The following ACSS3 variants were observed in gnomAD, a reference collection of about 807,000 sequenced individuals.
ACSS3 encodes acyl-CoA synthetase short chain family member 3.
Under a neutral mutation model 84.2 loss-of-function variants are expected in ACSS3, and 64 were observed. The observed-to-expected ratio is 0.76, with a 90% CI of 0.62 to 0.94. The LOEUF is 0.94. ACSS3 is among the 40% of genes least tolerant of loss of function. The pLI, the probability that ACSS3 is intolerant of heterozygous loss-of-function variation, is 0.00. For synonymous variants in ACSS3, 317 were observed against 310.1 expected, an observed-to-expected ratio of 1.02 and a Z score of -0.23; for missense variants, 815 against 867.6, an observed-to-expected ratio of 0.94 and a Z score of 0.76.
At chr12:81,241,954 G>T (rs1202488870) in intron 13 of ACSS3, among the ~76,000 whole-genome samples, 1 of 152,090 alleles carries the variant, frequency 6.6e-6, no homozygotes, top group Non-Finnish European at 1.5e-5. Flanking sequence ...TTCTTCTAGG[G>T]TTTTTATGGT....
intron 5 of ACSS3, among the ~76,000 whole-genome samples, chr12:81,150,705 T>G (rs888371129): frequency 6.6e-6 from 1 of 152,200 alleles, no homozygotes; most frequent in Admixed American, 6.5e-5. Flanking sequence ...CACAGCATGA[T>G]GCCTATGTTT....
intron 8 of ACSS3, among the ~76,000 whole-genome samples, chr12:81,192,836 G>A (rs1358520837): frequency 6.6e-6 from 1 of 152,138 alleles, no homozygotes; most frequent in African/African-American, 2.4e-5. Context: ...TCAGTCTTAT[G>A]TCTCTCTACA....
intron 2 of ACSS3, among the ~76,000 whole-genome samples, chr12:81,116,564 A>C (rs1054134243): frequency 2.0e-5 from 3 of 152,116 alleles, no homozygotes; most frequent in African/African-American, 7.2e-5. Context: ...AGTCCAGAGC[A>C]CTTTGCTTAC....
intron 11 of ACSS3, among the ~76,000 whole-genome samples, chr12:81,224,574 A>G (rs13377936): frequency 0.064 from 4,614 of 71,894 alleles, 205 homozygotes; most frequent in African/African-American, 0.2. Flanking sequence ...ACACACACAC[A>G]TGTGTGTGTG....
At chr12:81,196,867 G>A (rs955133940) in intron 8 of ACSS3, among the ~76,000 whole-genome samples, 2 of 152,108 alleles carry the variant, frequency 1.3e-5, no homozygotes, top group Non-Finnish European at 1.5e-5. Context: ...GGGAGGACAT[G>A]AAGCCTTTCC....
chr12:81,250,153 C>T (rs1328258708), intron 13 of ACSS3, among the ~76,000 whole-genome samples: 2 of 151,968 alleles, frequency 1.3e-5, no homozygotes, highest in Admixed American at 1.3e-4. Context: ...TTTTTCCCCC[C>T]ATAGGACATT....
intron 7 of ACSS3, among the ~76,000 whole-genome samples, chr12:81,172,987 A>T (rs1295623427): frequency 1.3e-5 from 2 of 152,128 alleles, no homozygotes; most frequent in Non-Finnish European, 2.9e-5. Context: ...TGGCAAAATG[A>T]TTTATTCTTA....
Position 81,255,093 on chromosome 12 carries a change from C to CT in ACSS3, c.*179dup, listed in dbSNP as rs1391586368. Reference sequence around the variant, plus strand: ...ATGAAAACATGTGAAAGACCTGTGCCTTTTTTTTGGTTTGACCCTGTTAGC... The same window carrying CT: ...ATGAAAACATGTGAAAGACCTGTGCCTTTTTTTTTGGTTTGACCCTGTTAGC... On this transcript the variant is annotated 3_prime_UTR_variant, in exon 16 of 16. Transcript: ENST00000548058. 1.9e-4 allele frequency: 114 copies of CT among 595,692 alleles called. No homozygotes were observed. Among genetic ancestry groups the CT allele is most frequent in the Middle Eastern group, 9.5e-4 (2 of 2,102 alleles). 36.9% of individuals were successfully genotyped at this position (595,692 alleles called of 1,614,324 possible).
intron 1 of ACSS3, among the ~76,000 whole-genome samples, chr12:81,101,352 A>G (rs1461511044): frequency 2.0e-5 from 3 of 152,124 alleles, no homozygotes; most frequent in African/African-American, 4.8e-5. Context: ...CAGTATGTAA[A>G]TACGTGCTCA....
At chr12:81,100,722 T>G (rs1174071777) in intron 1 of ACSS3, among the ~76,000 whole-genome samples, 1 of 152,202 alleles carries the variant, frequency 6.6e-6, no homozygotes, top group African/African-American at 2.4e-5. Context: ...TAGGAAGATT[T>G]GCCCCAGGCC....
At chr12:81,209,236 G>A (rs1418061612) in intron 9 of ACSS3, among the ~76,000 whole-genome samples, 2 of 152,076 alleles carry the variant, frequency 1.3e-5, no homozygotes, top group African/African-American at 4.8e-5. Flanking sequence ...TGATACAAAT[G>A]ACTCTCAGGC....
chr12:81,110,164 A>T (rs1373557526), intron 2 of ACSS3, among the ~76,000 whole-genome samples: 2 of 152,212 alleles, frequency 1.3e-5, no homozygotes, highest in Non-Finnish European at 2.9e-5. Flanking sequence ...AAATGCTGTT[A>T]TTCAGAGAGT....
intron 9 of ACSS3, 112 bp downstream of exon 9, chr12:81,199,556 T>G: frequency 6.9e-7 from 1 of 1,451,508 alleles, no homozygotes; most frequent in South Asian, 1.2e-5. Context: ...AACTCGGGAT[T>G]CGAGTGGTTC....
intron 8 of ACSS3, among the ~76,000 whole-genome samples, chr12:81,187,045 G>T (rs896300377): frequency 2.6e-5 from 4 of 151,776 alleles, no homozygotes; most frequent in African/African-American, 9.7e-5. Context: ...ATGAGATTTT[G>T]CCAGTTGCCA....
chr12:81,078,907 A>G (rs1206322186), intron 1 of ACSS3, among the ~76,000 whole-genome samples: 1 of 152,216 alleles, frequency 6.6e-6, no homozygotes, highest in Non-Finnish European at 1.5e-5. Flanking sequence ...CTCGAAGTCG[A>G]CAAGGCCCTA....
intron 8 of ACSS3, among the ~76,000 whole-genome samples, chr12:81,184,600 G>A (rs2031144549): frequency 1.3e-5 from 2 of 151,600 alleles, no homozygotes; most frequent in Admixed American, 6.6e-5. Flanking sequence ...ATTCTAACAG[G>A]CTTCTCAAAA....
chr12:81,242,497 A>C (rs1055009331), intron 13 of ACSS3, among the ~76,000 whole-genome samples: 6 of 150,812 alleles, frequency 4.0e-5, no homozygotes, highest in Non-Finnish European at 7.4e-5. Context: ...AATCCTCCCT[A>C]ACTCATTTTA....
chr12:81,109,755 T>G lies in ACSS3; in HGVS notation c.456+51T>G, dbSNP rs1006445813. ...ATATATGAATTCATATAGAAATTAC[T>G]TAAATAGCATACATTCTCATTGTAG... On this transcript the variant is annotated intron_variant, in intron 2 of 15. Transcript: ENST00000548058. The G allele has an allele frequency of 3.6e-6, 5 of 1,373,044 alleles. No homozygotes were observed. The African/African-American group carries it at 7.5e-5, about 20-fold the overall frequency. The allele number at this position is 1,373,044 out of a possible 1,614,324, so 85.1% of individuals were successfully genotyped here.
At chr12:81,245,183 C>G (rs1486727339) in intron 13 of ACSS3, among the ~76,000 whole-genome samples, 12 of 152,210 alleles carry the variant, frequency 7.9e-5, no homozygotes, top group Admixed American at 1.3e-4. Flanking sequence ...AGGATGAGGG[C>G]TGGCGCGGTG....
Sources: allele counts gnomAD v4.1 joint callset (sites outside exome capture counted in the v4.1 genomes callset), GRCh38; gene constraint gnomAD v4.1.1; transcripts MANE v1.5; gene names NCBI Gene and HGNC (gene_info 2026-07-23, HGNC 2026-07-21).